Variants in ATP6V0D2 observed in about 807,000 individuals in gnomAD.
ATP6V0D2 encodes the protein V-type proton ATPase subunit d 2.
In ATP6V0D2, 40 loss-of-function variants were observed where a neutral mutation model predicts 40.0. The ratio of observed to expected loss-of-function variants is 1.00; its 90% CI spans 0.78 to 1.30. The LOEUF is 1.30. Among genes scored for constraint, ATP6V0D2 ranks in the 50% most tolerant of loss-of-function variants. The pLI is 0.00. For missense variants in ATP6V0D2, 470 were observed against 423.1 expected (o/e 1.11, Z -0.97); for synonymous variants, 179 against 156.3 (o/e 1.15, Z -1.08).
chr8:86,110,968 T>C (rs540390731), intron 1 of ATP6V0D2, among the ~76,000 whole-genome samples: 2 of 152,194 alleles, frequency 1.3e-5, no homozygotes, highest in Admixed American at 1.3e-4. Flanking sequence ...TGAATTCACA[T>C]ACTTATTTTT....
intron 1 of ATP6V0D2, among the ~76,000 whole-genome samples, chr8:86,105,809 T>G (rs562110961): frequency 6.6e-6 from 1 of 151,716 alleles, no homozygotes; most frequent in African/African-American, 2.4e-5. Flanking sequence ...AGAGATGGGG[T>G]TTCACCGTGT....
Position 86,113,840 on chromosome 8 carries a change from C to A in ATP6V0D2, c.262C>A (p.His88Asn), listed in dbSNP as rs1372328131. 6.2e-7 allele frequency: 1 copy of A among 1,613,884 alleles called. No homozygotes were observed. Among genetic ancestry groups the A allele is most frequent in the South Asian group, 1.1e-5 (1 of 91,020 alleles). ...TGGAGAATTTGAGTATTTCCGGAAT[C>A]ATTCCCTGGAGCCCCTCAGCACATT... ...LCGEFEYFRN[H>N]SLEPLSTFLT... The change falls in exon 2 of 8, where the codon CAT becomes AAT. Residue 88 changes from histidine (H) to asparagine (N), a missense_variant. By Grantham distance (68) the His-to-Asn change is moderately conservative. Coordinates refer to ENST00000285393, the MANE Select transcript of ATP6V0D2 (RefSeq NM_152565.1).
chr8:86,105,763 C>T (rs1033174961), intron 1 of ATP6V0D2, among the ~76,000 whole-genome samples: 4 of 151,732 alleles, frequency 2.6e-5, no homozygotes, highest in African/African-American at 9.7e-5. Context: ...TACAGGCACC[C>T]ACCACCACGC....
intron 1 of ATP6V0D2, among the ~76,000 whole-genome samples, chr8:86,107,592 C>G (rs970182823): frequency 3.9e-5 from 6 of 152,182 alleles, no homozygotes; most frequent in African/African-American, 1.4e-4. Flanking sequence ...TGGTAAAACG[C>G]TCTACAAATT....
chr8:86,105,760 A>C (rs1485097335), intron 1 of ATP6V0D2, among the ~76,000 whole-genome samples: 2 of 151,032 alleles, frequency 1.3e-5, no homozygotes, highest in Non-Finnish European at 2.9e-5. Flanking sequence ...GACTACAGGC[A>C]CCCACCACCA....
intron 1 of ATP6V0D2, among the ~76,000 whole-genome samples, chr8:86,100,423 G>A (rs559493756): frequency 2.7e-4 from 41 of 152,116 alleles, no homozygotes; most frequent in African/African-American, 9.6e-4. Context: ...AGGCAAAAAC[G>A]AACCAATGAA....
At position 86,153,001 on chromosome 8, in the gene ATP6V0D2, GA is replaced by G; in HGVS notation, c.*28del. On this transcript the variant is annotated 3_prime_UTR_variant, in exon 8 of 8. Coordinates refer to ENST00000285393, the MANE Select transcript of ATP6V0D2 (RefSeq NM_152565.1). Reference sequence around the variant, plus strand: ...AACCCAAGTAAGGTTCTCAAATGTAGAAAATTATAAATGTTAAAAGGAAGTT... The same window carrying G: ...AACCCAAGTAAGGTTCTCAAATGTAGAAATTATAAATGTTAAAAGGAAGTT... 6.5e-7 allele frequency: 1 copy of G among 1,532,794 alleles called. No individual in the cohort carries two copies. Among genetic ancestry groups the G allele is most frequent in the Non-Finnish European group, 8.8e-7 (1 of 1,142,162 alleles). 94.9% of individuals were successfully genotyped at this position (1,532,794 alleles called of 1,614,324 possible).
At chr8:86,122,164 A>G (rs939692673) in intron 2 of ATP6V0D2, among the ~76,000 whole-genome samples, 1 of 152,140 alleles carries the variant, frequency 6.6e-6, no homozygotes, top group African/African-American at 2.4e-5. Context: ...CTCTTTTGAA[A>G]CCAGGCATCT....
chr8:86,132,221 C>T (rs371415504), intron 2 of ATP6V0D2, among the ~76,000 whole-genome samples: 3 of 152,148 alleles, frequency 2.0e-5, no homozygotes, highest in African/African-American at 7.2e-5. Context: ...TGATAAATAA[C>T]ATTTTCCATA....
At chr8:86,118,417 T>C (rs1338909859) in intron 2 of ATP6V0D2, among the ~76,000 whole-genome samples, 1 of 151,998 alleles carries the variant, frequency 6.6e-6, no homozygotes, top group Non-Finnish European at 1.5e-5. Flanking sequence ...GTGTATTTTG[T>C]TGGTATCTGC....
In ATP6V0D2 at chr8:86,113,750, T is replaced by C; in HGVS notation, c.172T>C (p.Leu58=). ...CCAGACTACTGATTATGGTAACTTT[T>C]TGGCTAATCACACAAATCCTCTTAC... ...HLQTTDYGNF[L]ANHTNPLTVS... The change falls in exon 2 of 8, where the codon TTG becomes CTG. Residue 58 remains leucine, a synonymous_variant. Coordinates refer to ENST00000285393, the MANE Select transcript of ATP6V0D2 (RefSeq NM_152565.1). The C allele has an allele frequency of 6.2e-7, 1 of 1,613,286 alleles. No homozygotes were observed. The highest frequency in any genetic ancestry group is 8.5e-7 in the Non-Finnish European group (1 of 1,179,514).
intron 2 of ATP6V0D2, among the ~76,000 whole-genome samples, chr8:86,125,148 T>C (rs1818722941): frequency 6.6e-6 from 1 of 152,020 alleles, no homozygotes; most frequent in Non-Finnish European, 1.5e-5. Flanking sequence ...GCGTCTGAGG[T>C]TGAGGATGTT....
chr8:86,150,714 G>A (rs1375773776), intron 6 of ATP6V0D2, among the ~76,000 whole-genome samples: 1 of 152,134 alleles, frequency 6.6e-6, no homozygotes, highest in Non-Finnish European at 1.5e-5. Flanking sequence ...GAACAATATG[G>A]ATGTATTAGT....
At chr8:86,140,324 A>C (rs1248269696) in intron 3 of ATP6V0D2, among the ~76,000 whole-genome samples, 1 of 152,110 alleles carries the variant, frequency 6.6e-6, no homozygotes, top group East Asian at 1.9e-4. Context: ...AGATATTTTA[A>C]AAAGCAAAAA....
intron 1 of ATP6V0D2, among the ~76,000 whole-genome samples, chr8:86,111,352 C>T (rs948199637): frequency 2.0e-5 from 3 of 151,868 alleles, no homozygotes; most frequent in African/African-American, 7.3e-5. Context: ...ACTGCTGGCC[C>T]ACTCCTTGCC....
chr8:86,107,744 C>T (rs1035389285), intron 1 of ATP6V0D2, among the ~76,000 whole-genome samples: 2 of 152,068 alleles, frequency 1.3e-5, no homozygotes, highest in African/African-American at 4.8e-5. Context: ...CTGGGAAAAT[C>T]GATTCAAAGA....
intron 5 of ATP6V0D2, among the ~76,000 whole-genome samples, chr8:86,145,261 G>T (rs1401707784): frequency 2.5e-5 from 1 of 40,296 alleles, no homozygotes; most frequent in African/African-American, 9.1e-5. Context: ...GAGAGAGAAA[G>T]AAAGAAAGAA....
At chr8:86,141,553 C>T (rs770940084) in intron 4 of ATP6V0D2, 24 bp downstream of exon 4, 5 of 1,519,226 alleles carry the variant, frequency 3.3e-6, no homozygotes, top group African/African-American at 1.4e-5. Context: ...CAAATATTGT[C>T]TTTTTCTTGA....
chr8:86,152,926 T>C lies in ATP6V0D2; in HGVS notation c.1002T>C (p.Cys334=), dbSNP rs1776954043. The stretch of plus-strand genomic sequence containing the variant: ...GAAATATTGTGTGGATAGCAGAATG[T>C]ATTTCACAGAGGCATCGAACTAAAA... ...EIRNIVWIAE[C]ISQRHRTKIN... The change falls in exon 8 of 8, where the codon TGT becomes TGC. Residue 334 remains cysteine, a synonymous_variant. Transcript: ENST00000285393. The C allele has an allele frequency of 6.2e-7, 1 of 1,611,948 alleles. No homozygotes were observed. The highest frequency in any genetic ancestry group is 8.5e-7 in the Non-Finnish European group (1 of 1,179,208).
Sources: allele counts gnomAD v4.1 joint callset (sites outside exome capture counted in the v4.1 genomes callset), GRCh38; gene constraint gnomAD v4.1.1; transcripts MANE v1.5; gene names NCBI Gene and HGNC (gene_info 2026-07-23, HGNC 2026-07-21).